The following GAP43 variants were observed in gnomAD, a reference collection of about 807,000 sequenced individuals.
GAP43 encodes the protein neuromodulin.
GAP43 carries 6 observed loss-of-function variants against 18.6 expected under a neutral mutation model. That is an observed-to-expected ratio of 0.32 (90% CI 0.18 to 0.64). GAP43 has a LOEUF of 0.64. Among genes scored for constraint, GAP43 ranks in the 30% least tolerant of loss-of-function variants. The probability of loss-of-function intolerance (pLI) is 0.78; values close to 1 mark genes in which losing one functional copy is unlikely to be tolerated. For missense variants in GAP43, 292 were observed against 295.5 expected (o/e 0.99, Z 0.09); for synonymous variants, 115 against 111.4 (o/e 1.03, Z -0.20).
chr3:115,634,803 T>C (rs1017688039), intron 1 of GAP43, among the ~76,000 whole-genome samples: 1 of 151,822 alleles, frequency 6.6e-6, no homozygotes, highest in African/African-American at 2.4e-5. Context: ...ATAATAAAAA[T>C]TCCCCAGTTT....
rs28370263 is a variant in GAP43, at chr3:115,653,923, G to A, written c.31-22090G>A. ...ACATCTGAAATTAAAAAAAAAATTAGCCCTAATGAACATTTTCTACAATAC... is the reference window on the plus strand; with the variant it reads ...ACATCTGAAATTAAAAAAAAAATTAACCCTAATGAACATTTTCTACAATAC... On this transcript the variant is annotated intron_variant, in intron 1 of 2. Coordinates refer to ENST00000305124, the MANE Select transcript of GAP43 (RefSeq NM_002045.4). Among the ~76,000 whole-genome samples, 641 of 151,926 alleles carry A rather than the reference G, an allele frequency of 4.2e-3. 2 individuals carry two copies. Among genetic ancestry groups the A allele is most frequent in the Non-Finnish European group, 5.7e-3 (387 of 67,966 alleles).
At chr3:115,714,619 G>A (rs2107378223) in intron 2 of GAP43, among the ~76,000 whole-genome samples, 1 of 151,170 alleles carries the variant, frequency 6.6e-6, no homozygotes, top group South Asian at 2.1e-4. Flanking sequence ...TTTGTGTCTT[G>A]AAAAAACTTT....
chr3:115,652,539 C>T lies in GAP43; in HGVS notation c.31-23474C>T, dbSNP rs139178609. Reference sequence around the variant, plus strand: ...GACTGAGACTACAGGCATGTGCCACCATGCCCAGCTAATTTTTAAAAACTT... The same window carrying T: ...GACTGAGACTACAGGCATGTGCCACTATGCCCAGCTAATTTTTAAAAACTT... On this transcript the variant is annotated intron_variant, in intron 1 of 2. Transcript: ENST00000305124. 2.1e-3 allele frequency among the ~76,000 whole-genome samples: 313 copies of T among 151,778 alleles called. 1 individual carries two copies. The highest frequency in any genetic ancestry group is 7.4e-3 in the African/African-American group (305 of 41,368).
At chr3:115,674,319 A>G (rs1708853034) in intron 1 of GAP43, among the ~76,000 whole-genome samples, 1 of 152,236 alleles carries the variant, frequency 6.6e-6, no homozygotes, top group Non-Finnish European at 1.5e-5. Context: ...AAATCTAAGA[A>G]TGGAGACTAT....
Position 115,676,301 on chromosome 3 carries a change from A to C in GAP43, c.319A>C (p.Thr107Pro), listed in dbSNP as rs1576991042. Residue 107 changes from threonine (T) to proline (P), a missense_variant, in exon 2 of 3, where the codon ACT becomes CCT. Transcript: ENST00000305124. ...TGATGAGCCCGGCAAAGCAGGAGAAACTCCTTCCGAGGAGAAGAAGGGGGA... is the reference window on the plus strand; with the variant it reads ...TGATGAGCCCGGCAAAGCAGGAGAACCTCCTTCCGAGGAGAAGAAGGGGGA... ...KPDEPGKAGETPSEEKKGEGD... is the reference protein window; with the variant it reads ...KPDEPGKAGEPPSEEKKGEGD... 5.6e-6 allele frequency: 9 copies of C among 1,613,882 alleles called. No homozygotes were observed. The highest frequency in any genetic ancestry group is 1.3e-5 in the African/African-American group (1 of 74,950).
At chr3:115,708,277 G>C (rs1447680372) in intron 2 of GAP43, among the ~76,000 whole-genome samples, 1 of 152,198 alleles carries the variant, frequency 6.6e-6, no homozygotes, top group Non-Finnish European at 1.5e-5. Context: ...ATTCTGTTTA[G>C]TGTAAGTTTG....
rs778502148 is a variant in GAP43, at chr3:115,720,792, A to T, written c.629-2A>T. 5.6e-6 allele frequency: 9 copies of T among 1,610,262 alleles called. No homozygotes were observed. Among genetic ancestry groups the T allele is most frequent in the Non-Finnish European group, 7.6e-6 (9 of 1,177,390 alleles). ...CCCATCCTATCTTGTTTTCTTTCTC[A>T]GAAGCTGTAGATGAAACCAAACCTA... On this transcript the variant is annotated splice_acceptor_variant, in intron 2 of 2. Transcript: ENST00000305124. LOFTEE classifies it high-confidence loss of function.
rs558325490 is a variant in GAP43, at chr3:115,677,638, A to G, written c.628+1028A>G. Among the ~76,000 whole-genome samples, 16 of 152,282 alleles carry G rather than the reference A, an allele frequency of 1.1e-4. No individual in the cohort carries two copies. The East Asian group carries it at 2.1e-3, about 20-fold the overall frequency. On this transcript the variant is annotated intron_variant, in intron 2 of 2. Coordinates refer to ENST00000305124, the MANE Select transcript of GAP43 (RefSeq NM_002045.4). ...TTTCCAGCCCCAAAGATCCTCAAAG[A>G]TAAAGTTTCTTCTGTGTCCATTTAA...
At chr3:115,697,427 T>C (rs1709209195) in intron 2 of GAP43, among the ~76,000 whole-genome samples, 1 of 152,180 alleles carries the variant, frequency 6.6e-6, no homozygotes, top group Non-Finnish European at 1.5e-5. Flanking sequence ...CTGTACATTC[T>C]TTGGTGACTC....
chr3:115,653,791 T>C (rs1284641686), intron 1 of GAP43, among the ~76,000 whole-genome samples: 1 of 152,174 alleles, frequency 6.6e-6, no homozygotes, highest in African/African-American at 2.4e-5. Flanking sequence ...AGTAATGCCA[T>C]CCAAATGTAG....
At chr3:115,635,051 C>T (rs1708310941) in intron 1 of GAP43, among the ~76,000 whole-genome samples, 1 of 152,090 alleles carries the variant, frequency 6.6e-6, no homozygotes, top group Non-Finnish European at 1.5e-5. Context: ...ACTTAAAAAA[C>T]ACCAATTCTT....
rs71141831 is a variant in GAP43 at position 115,652,356 on chromosome 3, C to CTTTTTTTTTTTTTTTTTTTT, written c.31-23647_31-23628dup. 2.3e-4 allele frequency among the ~76,000 whole-genome samples: 10 copies of CTTTTTTTTTTTTTTTTTTTT among 43,810 alleles called. 3 individuals carry two copies. Among genetic ancestry groups the CTTTTTTTTTTTTTTTTTTTT allele is most frequent in the East Asian group, 1.8e-3 (2 of 1,104 alleles). The allele number at this position is 43,810 out of a possible 152,430, so 28.7% of individuals were successfully genotyped here. On this transcript the variant is annotated intron_variant, in intron 1 of 2. Coordinates refer to ENST00000305124, the MANE Select transcript of GAP43 (RefSeq NM_002045.4). ...TTCCTGATGATTCTTATCCAGCATT[C>CTTTTTTTTTTTTTTTTTTTT]TTTTTTTTTTTTTTTTTTTTTTTTT...
chr3:115,681,171 C>T (rs141445150), intron 2 of GAP43, among the ~76,000 whole-genome samples: 183 of 152,226 alleles, frequency 1.2e-3, no homozygotes, highest in African/African-American at 4.2e-3. Context: ...TTTTATATTG[C>T]TAGAGTAATC....
At chr3:115,653,987 C>T (rs919376092) in intron 1 of GAP43, among the ~76,000 whole-genome samples, 17 of 152,104 alleles carry the variant, frequency 1.1e-4, no homozygotes, top group African/African-American at 3.9e-4. Flanking sequence ...GTCTCCACAT[C>T]TCCCCTTTCC....
intron 1 of GAP43, among the ~76,000 whole-genome samples, chr3:115,660,759 G>T (rs565614572): frequency 9.8e-5 from 15 of 152,328 alleles, no homozygotes; most frequent in Middle Eastern, 3.4e-3. Context: ...GCCTGGGCGG[G>T]GTGACAGTCT....
chr3:115,625,336 A>G (rs932381055), intron 1 of GAP43, among the ~76,000 whole-genome samples: 1 of 152,110 alleles, frequency 6.6e-6, no homozygotes. Flanking sequence ...CCCTATGGTT[A>G]CAGAGATTGA....
intron 1 of GAP43, among the ~76,000 whole-genome samples, chr3:115,671,623 G>A (rs1037009486): frequency 3.9e-5 from 6 of 152,172 alleles, no homozygotes; most frequent in African/African-American, 1.4e-4. Flanking sequence ...GTACTGCACT[G>A]GAATGTCCTC....
intron 1 of GAP43, among the ~76,000 whole-genome samples, chr3:115,654,564 C>T (rs756580610): frequency 3.3e-4 from 50 of 152,158 alleles, no homozygotes; most frequent in South Asian, 6.2e-4. Flanking sequence ...CAACGAATCA[C>T]ACACAGTCAC....
chr3:115,623,663 A>C lies in GAP43; in HGVS notation c.-27A>C. 1 of 1,613,950 alleles carries C rather than the reference A, an allele frequency of 6.2e-7. No homozygotes were observed. On this transcript the variant is annotated 5_prime_UTR_variant, in exon 1 of 3. Coordinates refer to ENST00000305124, the MANE Select transcript of GAP43 (RefSeq NM_002045.4). ...GAGAGAGAAGGAAAGGAGAGAAGGC[A>C]GGAAGAAGGCAAGGGACGAGACAAC...
Sources: gnomAD v4.1 joint callset for allele counts (sites outside exome capture counted in the v4.1 genomes callset) on GRCh38, gnomAD v4.1.1 for gene constraint, MANE v1.5 for transcripts, NCBI Gene and HGNC (gene_info 2026-07-23, HGNC 2026-07-21) for gene names.